Variants in REXO1 observed in about 807,000 individuals in gnomAD.
The protein encoded by REXO1 is RNA exonuclease 1 homolog, also known as REX1, RNA exonuclease 1 homolog.
In REXO1, 42 loss-of-function variants were observed where a neutral mutation model predicts 102.6. The observed-to-expected ratio is 0.41, with a 90% CI of 0.32 to 0.53. The LOEUF (loss-of-function observed/expected upper bound fraction) is 0.53. Among genes scored for constraint, REXO1 ranks in the 20% least tolerant of loss-of-function variants. The probability of loss-of-function intolerance (pLI) is 0.27; values close to 1 mark genes in which losing one functional copy is unlikely to be tolerated. For synonymous variants in REXO1, 908 were observed against 779.1 expected (o/e 1.17, Z -2.76); for missense variants, 1,819 against 1,732.5 (o/e 1.05, Z -0.89).
chr19:1,825,201 G>A (rs1223973750), intron 3 of REXO1, among the ~76,000 whole-genome samples: 1 of 147,916 alleles, frequency 6.8e-6, no homozygotes, highest in Non-Finnish European at 1.5e-5. Context: ...TCGGGAGGCT[G>A]AAGCAGGAAA....
At chr19:1,841,547 G>A (rs904913072) in intron 1 of REXO1, among the ~76,000 whole-genome samples, 3 of 152,212 alleles carry the variant, frequency 2.0e-5, no homozygotes, top group African/African-American at 7.2e-5. Context: ...AGGGGGTAAC[G>A]CCCAGCAGGA....
chr19:1,819,801 C>T (rs147291980), intron 7 of REXO1, 133 bp downstream of exon 7: 4 of 1,001,542 alleles, frequency 4.0e-6, no homozygotes, highest in Admixed American at 3.7e-5. Context: ...GCAGCCCCCC[C>T]ACAGCACCGC....
Position 1,825,825 on chromosome 19 carries a change from T to G in REXO1, c.2016+14A>C. The G allele has an allele frequency of 7.0e-7, 1 of 1,429,712 alleles. No homozygotes were observed. The highest frequency in any genetic ancestry group is 9.8e-7 in the Non-Finnish European group (1 of 1,016,336). The allele number at this position is 1,429,712 out of a possible 1,614,324, so 88.6% of individuals were successfully genotyped here. ...AAAAAAGGCTCCTGCTGGCCTGGCC[T>G]CTGCGGACCTTACCTCCTGGCCTTG... On this transcript the variant is annotated intron_variant, in intron 3 of 15. Transcript: ENST00000170168.
intron 1 of REXO1, among the ~76,000 whole-genome samples, chr19:1,843,475 A>G (rs1012435585): frequency 6.6e-6 from 1 of 152,138 alleles, no homozygotes; most frequent in African/African-American, 2.4e-5. Context: ...CCTACAACGC[A>G]AAGGACAGCC....
In REXO1 at chr19:1,848,203, T is replaced by A. The variant is rs1308841717; in HGVS notation, c.156A>T (p.Ala52=). 1.6e-6 allele frequency: 2 copies of A among 1,220,312 alleles called. No homozygotes were observed. The highest frequency in any genetic ancestry group is 8.6e-5 in the Admixed American group (2 of 23,264). The allele number at this position is 1,220,312 out of a possible 1,614,324, so 75.6% of individuals were successfully genotyped here. A position where few individuals can be genotyped will look rare whatever the true frequency, so the allele number is the denominator to read the frequency against. ...GGCAAGCAGGCGGGCGGGCATTACC[T>A]GCTGCGGGGGGCGCCTCTCCGCCGT... ...PGDGGEAPPA[A]GLGYDPYNPE... is the part of the protein sequence containing the mutation. The change falls in exon 1 of 16, where the codon GCA becomes GCT. Residue 52 remains alanine, a splice_region_variant and synonymous_variant. Coordinates refer to ENST00000170168, the MANE Select transcript of REXO1 (RefSeq NM_020695.4).
intron 1 of REXO1, among the ~76,000 whole-genome samples, chr19:1,835,539 C>T (rs1161488527): frequency 6.6e-6 from 1 of 152,156 alleles, no homozygotes; most frequent in Non-Finnish European, 1.5e-5. Flanking sequence ...CAGAGCTATA[C>T]ATGCATACAC....
chr19:1,815,720 A>C lies in REXO1; in HGVS notation c.*346T>G. The C allele has an allele frequency of 7.2e-7, 1 of 1,384,562 alleles. No homozygotes were observed. Among genetic ancestry groups the C allele is most frequent in the Non-Finnish European group, 9.4e-7 (1 of 1,065,924 alleles). 85.8% of individuals were successfully genotyped at this position (1,384,562 alleles called of 1,614,324 possible). On this transcript the variant is annotated 3_prime_UTR_variant, in exon 16 of 16. Coordinates refer to ENST00000170168, the MANE Select transcript of REXO1 (RefSeq NM_020695.4). The surrounding 1 kb of genome is among the most constrained non-coding windows in gnomAD (Gnocchi z 4.0). Reference sequence around the variant, plus strand: ...ACAAGCCCGCCCCGCGACCCACGTGAGGAGCAGAGGTGCCGGCCACCACCC... The same window carrying C: ...ACAAGCCCGCCCCGCGACCCACGTGCGGAGCAGAGGTGCCGGCCACCACCC...
rs374242884 is a variant in REXO1 at position 1,818,710 on chromosome 19, C to T, written c.2898G>A (p.Lys966=). The T allele has an allele frequency of 6.2e-7, 1 of 1,611,026 alleles. No homozygotes were observed. Among genetic ancestry groups the T allele is most frequent in the Non-Finnish European group, 8.5e-7 (1 of 1,179,882 alleles). Residue 966 remains lysine, a synonymous_variant, in exon 9 of 16, where the codon AAG becomes AAA. Coordinates refer to ENST00000170168, the MANE Select transcript of REXO1 (RefSeq NM_020695.4). ...IIFTAEEKRP[K]DSSCRTCCRC... is the part of the protein sequence containing the mutation. ...CGTCGCAGGCCAGCGACTCACAGTC[C>T]TTGGGCCTCTTCTCCTCAGCTGTGA...
intron 1 of REXO1, among the ~76,000 whole-genome samples, chr19:1,839,233 C>T (rs1484312000): frequency 6.8e-6 from 1 of 147,008 alleles, no homozygotes; most frequent in Non-Finnish European, 1.5e-5. Flanking sequence ...CCAGCCAGGG[C>T]GACAGAGCGA....
chr19:1,825,787 T>TAAAAA (rs59277540), intron 3 of REXO1, 52 bp downstream of exon 3: 14 of 995,568 alleles, frequency 1.4e-5, no homozygotes, highest in African/African-American at 1.8e-5. Flanking sequence ...ACCTCGTCTT[T>TAAAAA]AAAAAAAAAA....
In REXO1 at chr19:1,820,043, C is replaced by T. The variant is rs138842634; in HGVS notation, c.2541G>A (p.Glu847=). Residue 847 remains glutamate, a synonymous_variant, in exon 7 of 16, where the codon GAG becomes GAA. Coordinates refer to ENST00000170168, the MANE Select transcript of REXO1 (RefSeq NM_020695.4). The part of the protein sequence containing the change: ...QEAIEKALNE[E]KVAYDRSPSK... ...TGGGGCTGCGGTCATAGGCCACCTT[C>T]TCCTCGTTCAGTGCCTGGGGGACAG... 71 of 1,603,650 alleles carry T rather than the reference C, an allele frequency of 4.4e-5. 1 individual carries two copies. The African/African-American group carries it at 8.2e-4, about 19-fold the overall frequency.
intron 1 of REXO1, among the ~76,000 whole-genome samples, chr19:1,842,692 T>C (rs369457527): frequency 1.2e-3 from 184 of 152,288 alleles, no homozygotes; most frequent in African/African-American, 4.3e-3. Context: ...GTCCCAGCCA[T>C]GGCTCAAGCA....
At chr19:1,838,848 T>C (rs2011182904) in intron 1 of REXO1, among the ~76,000 whole-genome samples, 1 of 152,062 alleles carries the variant, frequency 6.6e-6, no homozygotes, top group South Asian at 2.1e-4. Context: ...CCGGGCACGG[T>C]AGCTCACGCC....
Position 1,818,706 on chromosome 19 carries a change from A to G in REXO1, c.2902T>C (p.Ser968Pro), listed in dbSNP as rs914314763. Residue 968 changes from serine (S) to proline (P), a missense_variant and splice_region_variant, in exon 9 of 16, where the codon TCT becomes CCT. Transcript: ENST00000170168. ...FTAEEKRPKD[S>P]SCRTCCRCGT... ...AGGCCGTCGCAGGCCAGCGACTCAC[A>G]GTCCTTGGGCCTCTTCTCCTCAGCT... 6.2e-7 allele frequency: 1 copy of G among 1,610,934 alleles called. No individual in the cohort carries two copies. The highest frequency in any genetic ancestry group is 8.5e-7 in the Non-Finnish European group (1 of 1,179,804).
chr19:1,848,185 A>G lies in REXO1; in HGVS notation c.157+17T>C. The stretch of plus-strand genomic sequence containing the variant: ...CAGGGGAGCCGAGCCCAAGGCAAGC[A>G]GGCGGGCGGGCATTACCTGCTGCGG... On this transcript the variant is annotated intron_variant, in intron 1 of 15. Coordinates refer to ENST00000170168, the MANE Select transcript of REXO1 (RefSeq NM_020695.4). The G allele has an allele frequency of 1.7e-6, 2 of 1,188,168 alleles. No homozygotes were observed. The highest frequency in any genetic ancestry group is 2.1e-6 in the Non-Finnish European group (2 of 949,376). The allele number at this position is 1,188,168 out of a possible 1,614,324, so 73.6% of individuals were successfully genotyped here.
chr19:1,816,513 A>G lies in REXO1; in HGVS notation c.3374T>C (p.Val1125Ala). The G allele has an allele frequency of 6.2e-7, 1 of 1,612,120 alleles. No individual in the cohort carries two copies. The highest frequency in any genetic ancestry group is 8.5e-7 in the Non-Finnish European group (1 of 1,179,602). The stretch of plus-strand genomic sequence containing the variant: ...GAACATGCTCAGCAGAACGGCCTGG[A>G]CGTCACGCAGCGTGACACTTGTGTC... Reference protein sequence around the residue: ...LADTSVTLRDVQAVLLSMFSA... With the variant: ...LADTSVTLRDAQAVLLSMFSA... Residue 1125 changes from valine to alanine, a missense_variant, in exon 14 of 16, where the codon GTC (valine) becomes GCC (alanine). Val to Ala is a moderately conservative substitution (Grantham distance 64). Coordinates refer to ENST00000170168, the MANE Select transcript of REXO1 (RefSeq NM_020695.4).
rs2069735287 is a variant in REXO1 at position 1,826,734 on chromosome 19, C to A, written c.1911+144G>T. The A allele has an allele frequency of 1.5e-6, 2 of 1,378,322 alleles. No homozygotes were observed. Among genetic ancestry groups the A allele is most frequent in the African/African-American group, 2.9e-5 (2 of 67,810 alleles). 85.4% of individuals were successfully genotyped at this position (1,378,322 alleles called of 1,614,324 possible). A position where few individuals can be genotyped will look rare whatever the true frequency, so the allele number is the denominator to read the frequency against. ...GGGTGCTCCTGAGCTCCTGAGATTT[C>A]AACGGGCTCAGGGACCAGCACTGAG... On this transcript the variant is annotated intron_variant, in intron 2 of 15. Transcript: ENST00000170168. This position sits in a 1 kb window ranked among gnomAD's most constrained non-coding sequence, Gnocchi z 4.3.
chr19:1,845,186 C>G (rs1423930304), intron 1 of REXO1, among the ~76,000 whole-genome samples: 1 of 152,174 alleles, frequency 6.6e-6, no homozygotes, highest in Non-Finnish European at 1.5e-5. Context: ...CAGCCAAGGC[C>G]CAGGCAGCAG....
At chr19:1,833,935 C>G (rs145091476) in intron 1 of REXO1, among the ~76,000 whole-genome samples, 3 of 152,298 alleles carry the variant, frequency 2.0e-5, no homozygotes, top group East Asian at 3.9e-4. Flanking sequence ...CTCCAGCTAA[C>G]GGGGATGCAG....
Sources: gnomAD v4.1 joint callset for allele counts (sites outside exome capture counted in the v4.1 genomes callset) on GRCh38, gnomAD v4.1.1 for gene constraint, Gnocchi (gnomAD v3.1) non-coding constraint, MANE v1.5 for transcripts, NCBI Gene and HGNC (gene_info 2026-07-23, HGNC 2026-07-21) for gene names.